ASH1L: variants seen among roughly 807,000 people sequenced by gnomAD.
The protein encoded by ASH1L is histone-lysine N-methyltransferase ASH1L.
A neutral mutation model predicts 269.0 loss-of-function variants in ASH1L; 23 were observed. The observed-to-expected ratio is 0.09, with a 90% CI of 0.06 to 0.12. ASH1L has a LOEUF of 0.12. ASH1L is among the 10% of genes least tolerant of loss of function. ASH1L has a pLI of 1.00. For missense variants in ASH1L, 2,912 were observed against 3,567.8 expected, an observed-to-expected ratio of 0.82 and a Z score of 4.68; for synonymous variants, 1,187 against 1,253.5, an observed-to-expected ratio of 0.95 and a Z score of 1.12.
intron 15 of ASH1L, among the ~76,000 whole-genome samples, chr1:155,355,328 G>A (rs914768687): frequency 2.6e-5 from 4 of 152,234 alleles, no homozygotes; most frequent in South Asian, 2.1e-4. Context: ...TGGGATTACA[G>A]TGGTGGCGTG....
chr1:155,452,943 T>C (rs561252691), intron 4 of ASH1L, among the ~76,000 whole-genome samples: 2 of 152,216 alleles, frequency 1.3e-5, no homozygotes, highest in Non-Finnish European at 2.9e-5. Flanking sequence ...ATGCCACATG[T>C]AAACCTTAGG....
intron 2 of ASH1L, among the ~76,000 whole-genome samples, chr1:155,483,534 A>C (rs532711088): frequency 6.6e-6 from 1 of 152,300 alleles, no homozygotes; most frequent in East Asian, 1.9e-4. Flanking sequence ...ACCAAATTCA[A>C]GCACGTATGA....
intron 6 of ASH1L, among the ~76,000 whole-genome samples, chr1:155,413,299 A>C (rs958820029): frequency 1.3e-5 from 2 of 152,150 alleles, no homozygotes; most frequent in African/African-American, 4.8e-5. Context: ...GCGGGTTTGA[A>C]ATTTTCTTAC....
chr1:155,434,963 G>A (rs1297607444), intron 5 of ASH1L, among the ~76,000 whole-genome samples: 1 of 152,172 alleles, frequency 6.6e-6, no homozygotes, highest in Non-Finnish European at 1.5e-5. Context: ...TTCAAGACCA[G>A]CCTGGCCAAC....
intron 1 of ASH1L, among the ~76,000 whole-genome samples, chr1:155,530,755 CA>C (rs1406596686): frequency 7.0e-6 from 1 of 143,638 alleles, no homozygotes; most frequent in Non-Finnish European, 1.5e-5. Context: ...AAAAAAAAAT[CA>C]AAAAAATTAG....
chr1:155,434,526 A>T (rs1335420610), intron 5 of ASH1L, among the ~76,000 whole-genome samples: 1 of 151,220 alleles, frequency 6.6e-6, no homozygotes, highest in Non-Finnish European at 1.5e-5. Context: ...AAAAAAAAAA[A>T]ATTGAAAAGA....
intron 5 of ASH1L, among the ~76,000 whole-genome samples, chr1:155,417,459 T>C (rs970171537): frequency 4.6e-5 from 7 of 152,180 alleles, no homozygotes; most frequent in Non-Finnish European, 1.0e-4. Context: ...ACGTTGTGCA[T>C]GTGAAGGGTG....
In ASH1L at chr1:155,337,302, C is replaced by T. The variant is rs566820192; in HGVS notation, c.*358G>A. 7.5e-5 allele frequency: 13 copies of T among 173,258 alleles called. No individual in the cohort carries two copies. Among genetic ancestry groups the T allele is most frequent in the African/African-American group, 2.1e-4 (9 of 41,898 alleles). The allele number at this position is 173,258 out of a possible 1,614,324, so 10.7% of individuals were successfully genotyped here. A position where few individuals can be genotyped will look rare whatever the true frequency, so the allele number is the denominator to read the frequency against. On this transcript the variant is annotated 3_prime_UTR_variant, in exon 28 of 28. Coordinates refer to ENST00000392403, the MANE Select transcript of ASH1L (RefSeq NM_018489.3). The stretch of plus-strand genomic sequence containing the variant: ...ACCTGGGTATAGGAAGCAGCTTCTT[C>T]GCAATGCCTGTGGGATCTGAGGATG...
At chr1:155,526,943 C>A (rs991858401) in intron 1 of ASH1L, among the ~76,000 whole-genome samples, 5 of 152,186 alleles carry the variant, frequency 3.3e-5, no homozygotes, top group African/African-American at 7.2e-5. Context: ...AGATGGCTCA[C>A]GCCTGTAATC....
At chr1:155,395,625 A>C in intron 6 of ASH1L, 72 bp from the exon 7 acceptor site, 1 of 1,051,452 alleles carries the variant, frequency 9.5e-7, no homozygotes, top group Non-Finnish European at 1.4e-6. Context: ...TACAGATAAC[A>C]GATCATCCTA....
intron 1 of ASH1L, among the ~76,000 whole-genome samples, chr1:155,552,625 A>G (rs774420850): frequency 1.3e-5 from 2 of 152,160 alleles, no homozygotes; most frequent in Admixed American, 6.6e-5. Context: ...CAGCATGGAC[A>G]ACAGAGCGAG....
intron 4 of ASH1L, among the ~76,000 whole-genome samples, chr1:155,457,803 T>C (rs1663974911): frequency 6.6e-6 from 1 of 152,256 alleles, no homozygotes; most frequent in South Asian, 2.1e-4. Context: ...TGAATTTAGA[T>C]ATTCTTTCTT....
At chr1:155,438,141 C>T (rs1426382860) in intron 5 of ASH1L, among the ~76,000 whole-genome samples, 186 bp downstream of exon 5, 3 of 152,294 alleles carry the variant, frequency 2.0e-5, no homozygotes, top group African/African-American at 7.2e-5. Flanking sequence ...AGCCACTGCA[C>T]CTAGCCTCTC....
rs113937426 is a variant in ASH1L, at chr1:155,355,915, G to GTT, written c.7056-1287_7056-1286dup. Among the ~76,000 whole-genome samples, 704 of 116,156 alleles carry GTT rather than the reference G, an allele frequency of 6.1e-3. 6 individuals are homozygous for GTT. The highest frequency in any genetic ancestry group is 0.021 in the African/African-American group (670 of 32,388). The allele number at this position is 116,156 out of a possible 152,430, so 76.2% of individuals were successfully genotyped here. ...AATATGTCAACAAAGCAGGTATTCT[G>GTT]TTTTTTTTTTTTTTTGCTTTTTGTT... On this transcript the variant is annotated intron_variant, in intron 15 of 27. Transcript: ENST00000392403.
chr1:155,550,043 CAG>C (rs1671090599), intron 1 of ASH1L, among the ~76,000 whole-genome samples: 2 of 150,938 alleles, frequency 1.3e-5, no homozygotes, highest in Admixed American at 6.6e-5. Context: ...TTTTTTGAGA[CAG>C]AGTCTCGCTC....
chr1:155,457,169 G>T (rs374194392), intron 4 of ASH1L, among the ~76,000 whole-genome samples: 1 of 152,206 alleles, frequency 6.6e-6, no homozygotes, highest in East Asian at 1.9e-4. Context: ...GAGATTTGGG[G>T]ATCATTTTTT....
intron 5 of ASH1L, among the ~76,000 whole-genome samples, chr1:155,430,865 C>T (rs890727661): frequency 2.0e-5 from 3 of 152,150 alleles, no homozygotes; most frequent in African/African-American, 7.2e-5. Context: ...TCAACCAATC[C>T]TCCAGCCTCA....
At chr1:155,361,830 G>C (rs1654975149) in intron 12 of ASH1L, among the ~76,000 whole-genome samples, 1 of 139,196 alleles carries the variant, frequency 7.2e-6, no homozygotes, top group Admixed American at 7.7e-5. Context: ...CTGAGATCAT[G>C]CCACTGCATT....
At chr1:155,535,875 G>A (rs1435465897) in intron 1 of ASH1L, among the ~76,000 whole-genome samples, 1 of 151,970 alleles carries the variant, frequency 6.6e-6, no homozygotes, top group East Asian at 1.9e-4. Context: ...GCGCATGCCT[G>A]TAATCCCAGC....
Sources: allele counts gnomAD v4.1 joint callset (sites outside exome capture counted in the v4.1 genomes callset), GRCh38; gene constraint gnomAD v4.1.1; transcripts MANE v1.5; gene names NCBI Gene and HGNC (gene_info 2026-07-23, HGNC 2026-07-21).